Variants in RILPL2 observed in about 807,000 individuals in gnomAD.
RILPL2 encodes Rab interacting lysosomal protein like 2, also known as RILP-like protein 2.
Under a neutral mutation model 22.2 loss-of-function variants are expected in RILPL2, and 19 were observed. The ratio of observed to expected loss-of-function variants is 0.86; its 90% CI spans 0.60 to 1.25. The LOEUF (loss-of-function observed/expected upper bound fraction) is 1.25. Among genes scored for constraint, RILPL2 ranks in the 50% most tolerant of loss-of-function variants. RILPL2 has a pLI of 0.00. For synonymous variants in RILPL2, 123 were observed against 111.6 expected (o/e 1.10, Z -0.64); for missense variants, 243 against 263.6 (o/e 0.92, Z 0.54).
chr12:123,413,645 A>G (rs1165608287), downstream of RILPL2: 2 of 152,258 alleles, frequency 1.3e-5, no homozygotes, highest in Non-Finnish European at 2.9e-5. Context: ...CAATGCGGAA[A>G]GGAACCCGAG....
intron 2 of RILPL2, among the ~76,000 whole-genome samples, chr12:123,428,136 T>C (rs942337019): frequency 4.6e-5 from 7 of 151,946 alleles, no homozygotes; most frequent in Admixed American, 3.3e-4. Flanking sequence ...AACTACTTAT[T>C]TTATTCTATT....
intron 1 of RILPL2, among the ~76,000 whole-genome samples, chr12:123,435,421 A>G (rs545782894): frequency 6.6e-6 from 1 of 152,222 alleles, no homozygotes; most frequent in South Asian, 2.1e-4. Context: ...TTGTGGTCAT[A>G]TGCACTAATT....
Position 123,415,548 on chromosome 12 carries a change from G to A in RILPL2, c.*343C>T, listed in dbSNP as rs371309349. On this transcript the variant is annotated 3_prime_UTR_variant, in exon 4 of 4. Coordinates refer to ENST00000280571, the MANE Select transcript of RILPL2 (RefSeq NM_145058.3). ...CCTTCTGCTAACCATTGAAGACCAG[G>A]GTCATCCGTGGGAGCAGATGAGTAG... 3.2e-6 allele frequency: 1 copy of A among 311,754 alleles called. No individual in the cohort carries two copies. The highest frequency in any genetic ancestry group is 2.1e-5 in the African/African-American group (1 of 46,930). 19.3% of individuals were successfully genotyped at this position (311,754 alleles called of 1,614,324 possible).
intron 1 of RILPL2, among the ~76,000 whole-genome samples, chr12:123,432,051 A>C (rs893087014): frequency 2.0e-5 from 3 of 151,278 alleles, no homozygotes; most frequent in Non-Finnish European, 4.4e-5. Flanking sequence ...CCTGCCACCA[A>C]GCCCAGCTAA....
chr12:123,424,273 A>G (rs999566329), intron 2 of RILPL2, among the ~76,000 whole-genome samples: 3 of 152,190 alleles, frequency 2.0e-5, no homozygotes, highest in African/African-American at 7.2e-5. Flanking sequence ...GAAACAGTCA[A>G]TAAAGAAATA....
chr12:123,422,126 C>T (rs1879301786), intron 3 of RILPL2, among the ~76,000 whole-genome samples: 1 of 151,426 alleles, frequency 6.6e-6, no homozygotes, highest in Non-Finnish European at 1.5e-5. Context: ...ATCCTCCAGT[C>T]TCATCCTCCT....
intron 2 of RILPL2, among the ~76,000 whole-genome samples, chr12:123,427,301 T>C (rs1374707942): frequency 6.6e-6 from 1 of 152,010 alleles, no homozygotes; most frequent in Non-Finnish European, 1.5e-5. Flanking sequence ...AAGGAAGCAT[T>C]CTAAGAGCAC....
intron 3 of RILPL2, among the ~76,000 whole-genome samples, chr12:123,422,644 G>T (rs1380915230): frequency 6.6e-6 from 1 of 152,140 alleles, no homozygotes; most frequent in Non-Finnish European, 1.5e-5. Flanking sequence ...TGAGATTACA[G>T]GTGTGAGCCA....
chr12:123,426,646 G>T (rs1362478785), intron 2 of RILPL2, among the ~76,000 whole-genome samples: 3 of 152,062 alleles, frequency 2.0e-5, no homozygotes, highest in African/African-American at 7.2e-5. Context: ...TGTCGCCCAG[G>T]CTGGAGTGCA....
At chr12:123,429,866 GC>G (rs1879566223) in intron 2 of RILPL2, among the ~76,000 whole-genome samples, 3 of 151,694 alleles carry the variant, frequency 2.0e-5, no homozygotes, top group African/African-American at 7.3e-5. Context: ...TGTAATCCCA[GC>G]ACTTTGGGGA....
intron 2 of RILPL2, among the ~76,000 whole-genome samples, chr12:123,426,505 T>C (rs924444052): frequency 2.6e-5 from 4 of 152,248 alleles, no homozygotes; most frequent in African/African-American, 4.8e-5. Flanking sequence ...AAGCATCATC[T>C]AAAATTTCCA....
chr12:123,429,209 T>C (rs28478828), intron 2 of RILPL2, among the ~76,000 whole-genome samples: 58,413 of 151,848 alleles, frequency 0.38, 11,596 homozygotes, highest in South Asian at 0.5. Context: ...AGGCTGGCCT[T>C]GAATCCCTGG....
chr12:123,422,242 G>T (rs1368787950), intron 3 of RILPL2, among the ~76,000 whole-genome samples: 1 of 151,214 alleles, frequency 6.6e-6, no homozygotes, highest in Non-Finnish European at 1.5e-5. Flanking sequence ...AAAAAAATTG[G>T]CCAGGCGCAG....
rs371839182 is a variant in RILPL2 at position 123,423,105 on chromosome 12, C to T, written c.544G>A (p.Val182Met). The T allele has an allele frequency of 6.2e-7, 1 of 1,613,704 alleles. No homozygotes were observed. Among genetic ancestry groups the T allele is most frequent in the African/African-American group, 1.3e-5 (1 of 74,830 alleles). ...GPGGRREKDAVVTSAKNAGRN... is the reference protein window; with the variant it reads ...GPGGRREKDAMVTSAKNAGRN... The stretch of plus-strand genomic sequence containing the variant: ...CCAGCATTTTTGGCACTAGTAACCA[C>T]AGCATCTTTTTCTCTTCTTCCTCCT... Residue 182 changes from valine (V) to methionine (M), a missense_variant, in exon 3 of 4, where the codon GTG becomes ATG. By Grantham distance (21) the Val-to-Met change is conservative. Coordinates refer to ENST00000280571, the MANE Select transcript of RILPL2 (RefSeq NM_145058.3).
At chr12:123,431,420 T>TA (rs1463992699) in intron 1 of RILPL2, among the ~76,000 whole-genome samples, 2 of 151,988 alleles carry the variant, frequency 1.3e-5, no homozygotes, top group African/African-American at 4.8e-5. Context: ...CGTTGTTACT[T>TA]AACAGGTCAG....
chr12:123,429,517 G>A (rs1173038722), intron 2 of RILPL2, among the ~76,000 whole-genome samples: 1 of 151,760 alleles, frequency 6.6e-6, no homozygotes, highest in Non-Finnish European at 1.5e-5. Context: ...GGCTGGTCTC[G>A]AACTCCTGAC....
intron 2 of RILPL2, among the ~76,000 whole-genome samples, chr12:123,423,808 C>T (rs912060061): frequency 2.0e-5 from 3 of 152,020 alleles, no homozygotes; most frequent in East Asian, 1.9e-4. Flanking sequence ...CGCCCGCCAC[C>T]ACACCCGGCT....
At chr12:123,424,831 G>A (rs1265716803) in intron 2 of RILPL2, among the ~76,000 whole-genome samples, 1 of 151,754 alleles carries the variant, frequency 6.6e-6, no homozygotes, top group Non-Finnish European at 1.5e-5. Context: ...CCCTTGCTGT[G>A]GACTGAATTG....
In RILPL2 at chr12:123,436,656, G is replaced by A; in HGVS notation, c.-236C>T. 3.1e-6 allele frequency: 2 copies of A among 647,260 alleles called. No homozygotes were observed. The highest frequency in any genetic ancestry group is 5.1e-6 in the Non-Finnish European group (2 of 390,530). The allele number at this position is 647,260 out of a possible 1,614,324, so 40.1% of individuals were successfully genotyped here. A position where few individuals can be genotyped will look rare whatever the true frequency, so the allele number is the denominator to read the frequency against. The stretch of plus-strand genomic sequence containing the variant: ...GCTGGAGAGTGCGCTCCAGGATGTG[G>A]TTTGGGGCGCGAAGGGACAACGGAA... On this transcript the variant is annotated 5_prime_UTR_variant, in exon 1 of 4. Coordinates refer to ENST00000280571, the MANE Select transcript of RILPL2 (RefSeq NM_145058.3). The surrounding 1 kb of genome is among the most constrained non-coding windows in gnomAD (Gnocchi z 6.7).
Sources: allele counts gnomAD v4.1 joint callset (sites outside exome capture counted in the v4.1 genomes callset), GRCh38; gene constraint gnomAD v4.1.1; non-coding constraint Gnocchi (gnomAD v3.1); transcripts MANE v1.5; gene names NCBI Gene and HGNC (gene_info 2026-07-23, HGNC 2026-07-21).